The following SYT14 variants were observed in gnomAD, a reference collection of about 807,000 sequenced individuals.
The protein encoded by SYT14 is synaptotagmin-14.
In SYT14, 32 loss-of-function variants were observed where a neutral mutation model predicts 74.2. The observed-to-expected ratio is 0.43, with a 90% CI of 0.33 to 0.58. The LOEUF is 0.58. Ranked by LOEUF, SYT14 falls within the 20% of genes least tolerant of loss-of-function variation. SYT14 has a pLI of 0.05. For missense variants in SYT14, 791 were observed against 981.8 expected (o/e 0.81, Z 2.60); for synonymous variants, 298 against 337.7 (o/e 0.88, Z 1.29).
intron 5 of SYT14, among the ~76,000 whole-genome samples, chr1:210,059,006 A>G (rs886865063): frequency 4.6e-5 from 7 of 152,166 alleles, no homozygotes; most frequent in South Asian, 4.1e-4. Flanking sequence ...TAAGCCCTTT[A>G]CTTATATTAG....
intron 4 of SYT14, among the ~76,000 whole-genome samples, 184 bp from the exon 4 acceptor site, chr1:210,020,855 A>ATGTG (rs200518704): frequency 2.1e-5 from 3 of 142,792 alleles, no homozygotes; most frequent in African/African-American, 6.2e-5. Flanking sequence ...TGTATAATAT[A>ATGTG]TATGTGTGTG....
intron 2 of SYT14, among the ~76,000 whole-genome samples, chr1:209,960,571 C>T (rs867970436): frequency 6.6e-6 from 1 of 152,124 alleles, no homozygotes; most frequent in Non-Finnish European, 1.5e-5. Context: ...CCAATCTTTT[C>T]TCCCATTTGA....
chr1:210,012,200 G>T (rs2080098664), intron 2 of SYT14, among the ~76,000 whole-genome samples: 1 of 152,162 alleles, frequency 6.6e-6, no homozygotes. Flanking sequence ...TTCCAGAAAA[G>T]TTTTCTTGAT....
chr1:210,005,314 G>A (rs1356333498), intron 2 of SYT14, among the ~76,000 whole-genome samples: 1 of 151,878 alleles, frequency 6.6e-6, no homozygotes, highest in Non-Finnish European at 1.5e-5. Context: ...AAACTGCTTG[G>A]TATTTATCAG....
exon 7 of SYT14, chr1:210,100,310 T>C: frequency 6.2e-7 from 1 of 1,614,126 alleles, no homozygotes; most frequent in East Asian, 2.2e-5. Context: ...TCTGAGATGA[T>C]TGGAAATTAT....
intron 2 of SYT14, among the ~76,000 whole-genome samples, chr1:209,996,987 C>T (rs1301170844): frequency 6.6e-6 from 1 of 151,886 alleles, no homozygotes; most frequent in Non-Finnish European, 1.5e-5. Flanking sequence ...GTCATCTATG[C>T]CAGACTCATA....
intron 2 of SYT14, among the ~76,000 whole-genome samples, chr1:209,953,496 C>G (rs2205988): frequency 0.65 from 98,621 of 151,974 alleles, 32,826 homozygotes; most frequent in East Asian, 0.85. Context: ...GACTCACTTG[C>G]CCCTCCTGAG....
chr1:209,988,143 T>A (rs1233013123), intron 2 of SYT14, among the ~76,000 whole-genome samples: 1 of 152,234 alleles, frequency 6.6e-6, no homozygotes, highest in African/African-American at 2.4e-5. Context: ...TGCATTTTTT[T>A]AGTCTTTCTG....
intron 5 of SYT14, among the ~76,000 whole-genome samples, chr1:210,033,742 C>T (rs545084116): frequency 1.8e-4 from 27 of 151,824 alleles, no homozygotes; most frequent in Admixed American, 1.7e-3. Context: ...TTTAACCAAT[C>T]TTTTAGTCAT....
chr1:210,090,021 G>A (rs1358791911), intron 5 of SYT14, among the ~76,000 whole-genome samples: 8 of 152,104 alleles, frequency 5.3e-5, no homozygotes, highest in Non-Finnish European at 7.4e-5. Context: ...TGGAGGAGGC[G>A]ACCAATCAGA....
intron 2 of SYT14, among the ~76,000 whole-genome samples, chr1:209,955,373 A>C (rs1044154867): frequency 6.6e-6 from 1 of 152,202 alleles, no homozygotes; most frequent in Admixed American, 6.5e-5. Flanking sequence ...CTGTCTACCC[A>C]GTTACGCAAC....
At chr1:210,091,443 C>T (rs1437423427) in intron 5 of SYT14, among the ~76,000 whole-genome samples, 1 of 152,150 alleles carries the variant, frequency 6.6e-6, no homozygotes, top group South Asian at 2.1e-4. Context: ...AATCCCAACA[C>T]CTTGGGATGC....
At chr1:210,042,009 G>A (rs980021813) in intron 5 of SYT14, among the ~76,000 whole-genome samples, 2 of 151,942 alleles carry the variant, frequency 1.3e-5, no homozygotes, top group Non-Finnish European at 2.9e-5. Flanking sequence ...GTGATAGGAG[G>A]AATGAGGAGC....
intron 7 of SYT14, among the ~76,000 whole-genome samples, chr1:210,134,607 A>G (rs936853146): frequency 1.4e-4 from 22 of 152,118 alleles, no homozygotes; most frequent in Admixed American, 1.4e-3. Flanking sequence ...GTATACCTTT[A>G]AAGCTTCATA....
intron 5 of SYT14, among the ~76,000 whole-genome samples, chr1:210,057,659 C>A (rs2081125476): frequency 6.6e-6 from 1 of 152,130 alleles, no homozygotes; most frequent in Non-Finnish European, 1.5e-5. Context: ...CCCTTATTAC[C>A]ATTAGCCTTT....
intron 4 of SYT14, among the ~76,000 whole-genome samples, chr1:210,018,017 T>C (rs1266849705): frequency 6.6e-6 from 1 of 152,254 alleles, no homozygotes; most frequent in Non-Finnish European, 1.5e-5. Context: ...GCTATTTATC[T>C]ATTATATGAG....
chr1:210,083,574 ATT>A (rs1333145195), intron 5 of SYT14, among the ~76,000 whole-genome samples: 2 of 144,142 alleles, frequency 1.4e-5, no homozygotes, highest in Non-Finnish European at 1.5e-5. Context: ...CTAATTTTCA[ATT>A]TTTTTTTTTT....
At chr1:210,149,796 A>G (rs1012448440) in intron 7 of SYT14, among the ~76,000 whole-genome samples, 6 of 152,256 alleles carry the variant, frequency 3.9e-5, no homozygotes, top group Admixed American at 3.9e-4. Flanking sequence ...CAAGGCTAAT[A>G]ACTGCACAGC....
intron 6 of SYT14, 102 bp downstream of exon 5, chr1:210,094,695 C>T (rs1331089511): frequency 7.5e-7 from 1 of 1,332,286 alleles, no homozygotes; most frequent in African/African-American, 1.5e-5. Context: ...TCACTTATTC[C>T]TTTGTAACTT....
Sources: allele counts gnomAD v4.1 joint callset (sites outside exome capture counted in the v4.1 genomes callset), GRCh38; gene constraint gnomAD v4.1.1; transcripts MANE v1.5; gene names NCBI Gene and HGNC (gene_info 2026-07-23, HGNC 2026-07-21).